CNBD1: variants seen among roughly 807,000 people sequenced by gnomAD.
CNBD1 encodes cyclic nucleotide binding domain containing 1, also known as cyclic nucleotide-binding domain-containing protein 1.
In CNBD1, 71 loss-of-function variants were observed where a neutral mutation model predicts 54.4. The ratio of observed to expected loss-of-function variants is 1.30; its 90% CI spans 1.08 to 1.59. CNBD1 has a LOEUF of 1.59. CNBD1 is among the 40% of genes most tolerant of loss of function. The pLI is 0.00. For missense variants in CNBD1, 659 were observed against 518.0 expected, an observed-to-expected ratio of 1.27 and a Z score of -2.64; for synonymous variants, 182 against 170.7, an observed-to-expected ratio of 1.07 and a Z score of -0.51.
chr8:87,256,620 A>T (rs546503436), intron 6 of CNBD1, among the ~76,000 whole-genome samples: 1 of 138,392 alleles, frequency 7.2e-6, no homozygotes, highest in South Asian at 2.3e-4. Flanking sequence ...AATTCTGAGT[A>T]TCAAAATTCT....
intron 4 of CNBD1, among the ~76,000 whole-genome samples, chr8:87,036,727 G>A (rs910341392): frequency 6.8e-6 from 1 of 147,450 alleles, no homozygotes; most frequent in Non-Finnish European, 1.5e-5. Flanking sequence ...TTCTATATCT[G>A]TCATTGATTT....
intron 2 of CNBD1, among the ~76,000 whole-genome samples, chr8:87,397,544 T>A (rs934300574): frequency 6.6e-6 from 1 of 151,960 alleles, no homozygotes; most frequent in African/African-American, 2.4e-5. Flanking sequence ...AGACATTATA[T>A]CTTTCTTGAA....
Position 87,102,123 on chromosome 8 carries a change from G to A in CNBD1, c.432-103870G>A, listed in dbSNP as rs924342282. On this transcript the variant is annotated intron_variant, in intron 4 of 10. Transcript: ENST00000518476. ...AGGATGGTCTCGATCTCCTGACTTC[G>A]TGATCTGCCCGCCTCGGCCTCCCAA... Among the ~76,000 whole-genome samples the A allele has an allele frequency of 1.1e-4, 16 of 151,990 alleles. No individual in the cohort carries two copies. The East Asian group carries it at 2.5e-3, about 24-fold the overall frequency.
Position 87,283,671 on chromosome 8 carries a change from G to A in CNBD1, c.772-1007G>A, listed in dbSNP as rs147467264. Among the ~76,000 whole-genome samples the A allele has an allele frequency of 5.9e-3, 905 of 152,124 alleles. 7 individuals carry two copies. Among genetic ancestry groups the A allele is most frequent in the Non-Finnish European group, 9.0e-3 (612 of 67,994 alleles). Reference sequence around the variant, plus strand: ...GATAGCCAGCTTCTATGTGGCTTTCGTAAAGTACTGGATGTAGTTCTTCCT... The same window carrying A: ...GATAGCCAGCTTCTATGTGGCTTTCATAAAGTACTGGATGTAGTTCTTCCT... On this transcript the variant is annotated intron_variant, in intron 6 of 10. Transcript: ENST00000518476.
intron 10 of CNBD1, among the ~76,000 whole-genome samples, chr8:87,356,278 A>G (rs7836295): frequency 0.28 from 42,845 of 152,108 alleles, 6,741 homozygotes; most frequent in Middle Eastern, 0.41. Context: ...GAAGAGTTTG[A>G]AAGTCTCATA....
chr8:87,119,440 A>G (rs946242744), intron 4 of CNBD1, among the ~76,000 whole-genome samples: 2 of 151,976 alleles, frequency 1.3e-5, no homozygotes, highest in African/African-American at 4.8e-5. Flanking sequence ...GTATACTGCA[A>G]CTTTACTCAC....
At chr8:86,978,634 C>T (rs1038875598) in intron 4 of CNBD1, among the ~76,000 whole-genome samples, 3 of 149,150 alleles carry the variant, frequency 2.0e-5, no homozygotes, top group Non-Finnish European at 3.0e-5. Flanking sequence ...CCTCCGCATC[C>T]CGGGTTCAAG....
intron 4 of CNBD1, among the ~76,000 whole-genome samples, chr8:87,174,797 C>G (rs1456234837): frequency 1.3e-5 from 2 of 152,200 alleles, no homozygotes; most frequent in Non-Finnish European, 2.9e-5. Context: ...AACCCCAAGC[C>G]CAGTAATGCT....
chr8:87,125,675 G>A (rs758326473), intron 4 of CNBD1, among the ~76,000 whole-genome samples: 28 of 151,664 alleles, frequency 1.8e-4, no homozygotes, highest in Non-Finnish European at 3.2e-4. Flanking sequence ...ATAGCTTGTT[G>A]AGGTATAATA....
At chr8:87,192,130 A>C (rs1253712612) in intron 4 of CNBD1, among the ~76,000 whole-genome samples, 1 of 152,162 alleles carries the variant, frequency 6.6e-6, no homozygotes, top group Non-Finnish European at 1.5e-5. Flanking sequence ...TTTTAAGTTC[A>C]ATTTAAAAAG....
chr8:87,260,089 T>G (rs1563527800), intron 6 of CNBD1, among the ~76,000 whole-genome samples: 1 of 152,294 alleles, frequency 6.6e-6, no homozygotes, highest in Non-Finnish European at 1.5e-5. Context: ...GGAAAAAATC[T>G]TAGCTACTGA....
In CNBD1 at chr8:87,016,267, C is replaced by T. The variant is rs142390247; in HGVS notation, c.431+76513C>T. Among the ~76,000 whole-genome samples the T allele has an allele frequency of 3.6e-3, 549 of 151,546 alleles. 1 individual carries two copies. The highest frequency in any genetic ancestry group is 0.01 in the Middle Eastern group (3 of 294). ...TCATGTTTAAACCTTCAGGATTTTTCGCACCACTGGAAATTTGGGTTACTA... is the reference window on the plus strand; with the variant it reads ...TCATGTTTAAACCTTCAGGATTTTTTGCACCACTGGAAATTTGGGTTACTA... On this transcript the variant is annotated intron_variant, in intron 4 of 10. Transcript: ENST00000518476.
At chr8:86,997,804 G>A (rs1808908704) in intron 4 of CNBD1, among the ~76,000 whole-genome samples, 1 of 151,780 alleles carries the variant, frequency 6.6e-6, no homozygotes, top group African/African-American at 2.4e-5. Flanking sequence ...AGACCCAGCG[G>A]GTGGCTGTTC....
intron 2 of CNBD1, among the ~76,000 whole-genome samples, chr8:87,400,736 T>A (rs865945051): frequency 6.6e-6 from 1 of 151,844 alleles, no homozygotes; most frequent in Admixed American, 6.6e-5. Flanking sequence ...AGAAGAATTC[T>A]CAAAGGAAAA....
chr8:87,285,169 C>G (rs562840368), intron 7 of CNBD1, among the ~76,000 whole-genome samples: 1 of 152,184 alleles, frequency 6.6e-6, no homozygotes, highest in South Asian at 2.1e-4. Flanking sequence ...AATAATAAGA[C>G]AGATAATAGT....
At position 87,365,957 on chromosome 8, in the gene CNBD1, C is replaced by T. The variant is rs532904712; in HGVS notation, c.1303+12171C>T. On this transcript the variant is annotated intron_variant, in intron 10 of 10. Coordinates refer to ENST00000518476, the MANE Select transcript of CNBD1 (RefSeq NM_173538.3). ...ACTCAATGTAATGATTTTACGATCA[C>T]TCTTAAGTCATAAAATGTCCTATAA... is the stretch of plus-strand genomic sequence containing the variant. Among the ~76,000 whole-genome samples the T allele has an allele frequency of 8.0e-4, 121 of 152,090 alleles. 2 individuals carry two copies. In the South Asian group the frequency reaches 0.023, roughly 29 times the overall value.
chr8:87,074,100 C>CA (rs34907275), intron 4 of CNBD1, among the ~76,000 whole-genome samples: 34,390 of 106,634 alleles, frequency 0.32, 4,627 homozygotes, highest in Admixed American at 0.38. Flanking sequence ...GACTCCATCT[C>CA]AAAAAAAAAA....
intron 4 of CNBD1, among the ~76,000 whole-genome samples, chr8:87,161,581 T>G (rs1812859343): frequency 6.6e-6 from 1 of 152,108 alleles, no homozygotes; most frequent in Non-Finnish European, 1.5e-5. Context: ...ACACATAAAA[T>G]CAGTCTAAAG....
At chr8:87,371,569 A>T (rs1315583852) in intron 10 of CNBD1, among the ~76,000 whole-genome samples, 1 of 152,044 alleles carries the variant, frequency 6.6e-6, no homozygotes, top group Non-Finnish European at 1.5e-5. Context: ...CTTGATTAAC[A>T]TTGATGCAGA....
Sources: allele counts gnomAD v4.1 joint callset (sites outside exome capture counted in the v4.1 genomes callset), GRCh38; gene constraint gnomAD v4.1.1; transcripts MANE v1.5; gene names NCBI Gene and HGNC (gene_info 2026-07-23, HGNC 2026-07-21).